ITPR3: variants seen among roughly 807,000 people sequenced by gnomAD.
The protein encoded by ITPR3 is inositol 1,4,5-trisphosphate receptor type 3.
In ITPR3, 173 loss-of-function variants were observed where a neutral mutation model predicts 293.2. The observed-to-expected ratio is 0.59, with a 90% CI of 0.52 to 0.67. ITPR3 has a LOEUF of 0.67. Among genes scored for constraint, ITPR3 ranks in the 30% least tolerant of loss-of-function variants. The pLI is 0.00. For synonymous variants in ITPR3, 1,295 were observed against 1,444.4 expected (o/e 0.90, Z 2.35); for missense variants, 2,796 against 3,592.1 (o/e 0.78, Z 5.66).
At chr6:33,665,809 C>T (rs202136296) in intron 13 of ITPR3, 26 bp from the exon 14 acceptor site, 792 of 1,611,930 alleles carry the variant, frequency 4.9e-4, no homozygotes, top group African/African-American at 2.2e-3. Context: ...ATCTCACACT[C>T]GTCATCCCCG....
intron 2 of ITPR3, among the ~76,000 whole-genome samples, chr6:33,648,066 CTTTT>C (rs35776559): frequency 7.7e-6 from 1 of 130,426 alleles, no homozygotes; most frequent in Admixed American, 8.1e-5. Flanking sequence ...ATTTCTTTTT[CTTTT>C]TTTTTTTTTT....
chr6:33,630,172 C>T (rs1307266804), intron 1 of ITPR3, among the ~76,000 whole-genome samples: 1 of 152,174 alleles, frequency 6.6e-6, no homozygotes, highest in Non-Finnish European at 1.5e-5. Flanking sequence ...TAATCTAAAA[C>T]AGCGCCCCGC....
chr6:33,655,690 G>A lies in ITPR3; in HGVS notation c.161-76G>A. The A allele has an allele frequency of 6.3e-7, 1 of 1,589,986 alleles. No homozygotes were observed. Among genetic ancestry groups the A allele is most frequent in the East Asian group, 2.2e-5 (1 of 44,518 alleles). On this transcript the variant is annotated intron_variant, in intron 2 of 57. Transcript: ENST00000605930. This position sits in a 1 kb window ranked among gnomAD's most constrained non-coding sequence, Gnocchi z 4.9. ...GAAGGGTTGGGAGAGAAGAGCTGCA[G>A]GCTGGGGTTTTCTCCAGGGAGGGCC...
At chr6:33,640,762 C>T (rs1379486966) in intron 2 of ITPR3, among the ~76,000 whole-genome samples, 5 of 152,238 alleles carry the variant, frequency 3.3e-5, no homozygotes, top group Non-Finnish European at 7.3e-5. Context: ...TTTTCTGGGG[C>T]CACACCCCAC....
Position 33,685,551 on chromosome 6 carries a change from G to A in ITPR3, c.5482+18G>A. 6.2e-7 allele frequency: 1 copy of A among 1,607,714 alleles called. No individual in the cohort carries two copies. Among genetic ancestry groups the A allele is most frequent in the Non-Finnish European group, 8.5e-7 (1 of 1,174,880 alleles). On this transcript the variant is annotated intron_variant, in intron 40 of 57. Coordinates refer to ENST00000605930, the MANE Select transcript of ITPR3 (RefSeq NM_002224.4). ...CACCAAAGGTCAGGGGTCTGAGGCA[G>A]AGGCACGGCGTGACGGGGATCCCAG...
intron 25 of ITPR3, among the ~76,000 whole-genome samples, chr6:33,676,261 G>A (rs1455991833): frequency 6.6e-6 from 1 of 152,228 alleles, no homozygotes; most frequent in Admixed American, 6.5e-5. Flanking sequence ...CTGAGTACTG[G>A]ACTTGCATTA....
intron 3 of ITPR3, among the ~76,000 whole-genome samples, chr6:33,657,433 G>A (rs1233408609): frequency 1.2e-4 from 19 of 152,176 alleles, no homozygotes; most frequent in Admixed American, 1.2e-3. Context: ...TGGGCTGAAT[G>A]CACACAGTTT....
Position 33,678,410 on chromosome 6 carries a change from C to A in ITPR3, c.3649-11C>A, listed in dbSNP as rs368691312. The stretch of plus-strand genomic sequence containing the variant: ...TGGGCCCAGCACCCTCTCCCTGACT[C>A]CTGTGTCCAGGGTGATGCCAAGATG... On this transcript the variant is annotated splice_polypyrimidine_tract_variant and intron_variant, in intron 28 of 57. Transcript: ENST00000605930. The A allele has an allele frequency of 1.4e-5, 22 of 1,612,504 alleles. No individual in the cohort carries two copies. The highest frequency in any genetic ancestry group is 1.4e-5 in the Non-Finnish European group (17 of 1,179,200).
In ITPR3 at chr6:33,696,025, C is replaced by T. The variant is rs1765535645; in HGVS notation, c.*245C>T. On this transcript the variant is annotated 3_prime_UTR_variant, in exon 58 of 58. Coordinates refer to ENST00000605930, the MANE Select transcript of ITPR3 (RefSeq NM_002224.4). ...CACTGGGACTCAGTTTACCTTAATG[C>T]CTTAGCAGAAGATAAATCCTACCTA... The T allele has an allele frequency of 1.1e-5, 6 of 535,666 alleles. No homozygotes were observed. The highest frequency in any genetic ancestry group is 2.0e-5 in the Non-Finnish European group (6 of 299,324). 33.2% of individuals were successfully genotyped at this position (535,666 alleles called of 1,614,324 possible).
chr6:33,683,447 C>A lies in ITPR3; in HGVS notation c.4788+50C>A. On this transcript the variant is annotated intron_variant, in intron 35 of 57. Coordinates refer to ENST00000605930, the MANE Select transcript of ITPR3 (RefSeq NM_002224.4). This position sits in a 1 kb window ranked among gnomAD's most constrained non-coding sequence, Gnocchi z 4.5. Reference sequence around the variant, plus strand: ...TGCCTCGGGAGCTGCTTGGTTGAGTCAGCAGCTCCCCTACTTTGGAGGGGC... The same window carrying A: ...TGCCTCGGGAGCTGCTTGGTTGAGTAAGCAGCTCCCCTACTTTGGAGGGGC... 3 of 1,381,048 alleles carry A rather than the reference C, an allele frequency of 2.2e-6. No homozygotes were observed. The highest frequency in any genetic ancestry group is 3.1e-5 in the South Asian group (2 of 63,816). 85.5% of individuals were successfully genotyped at this position (1,381,048 alleles called of 1,614,324 possible).
chr6:33,640,612 C>T (rs1304857717), intron 2 of ITPR3, 58 bp downstream of exon 2: 27 of 1,380,406 alleles, frequency 2.0e-5, no homozygotes, highest in Middle Eastern at 1.8e-4. Context: ...TCTGGACCTG[C>T]GACTGAATTT....
At chr6:33,671,037 C>A in intron 20 of ITPR3, 128 bp from the exon 21 acceptor site, 2 of 1,481,314 alleles carry the variant, frequency 1.4e-6, no homozygotes, top group Admixed American at 1.9e-5. Flanking sequence ...TCCGCTCTCC[C>A]TCCTGGGAAC....
rs1049043251 is a variant in ITPR3 at position 33,674,234 on chromosome 6, G to A, written c.3085G>A (p.Gly1029Arg). Reference protein sequence around the residue: ...TTANMNLDRIGEQAEAMFGVG... With the variant: ...TTANMNLDRIREQAEAMFGVG... ...TGCCAACATGAACCTGGATCGCATC[G>A]GGGAGCAGGCGGAGGCCATGTTTGG... Residue 1029 changes from glycine (G) to arginine (R), a missense_variant, in exon 24 of 58, where the codon GGG becomes AGG. Physicochemically the swap from Gly to Arg is moderately radical, Grantham distance 125. Around this residue, in one of 8 missense-constraint regions of ITPR3, gnomAD observed 955 missense variants for 1,180.8 expected, o/e 0.81. Coordinates refer to ENST00000605930, the MANE Select transcript of ITPR3 (RefSeq NM_002224.4). 9 of 1,613,970 alleles carry A rather than the reference G, an allele frequency of 5.6e-6. No homozygotes were observed. In the African/African-American group the frequency reaches 6.7e-5, roughly 12 times the overall value.
chr6:33,621,774 GC>G lies in ITPR3; in HGVS notation c.89+89del. 2 of 1,039,472 alleles carry G rather than the reference GC, an allele frequency of 1.9e-6. No individual in the cohort carries two copies. The highest frequency in any genetic ancestry group is 2.9e-6 in the Non-Finnish European group (2 of 689,588). The allele number at this position is 1,039,472 out of a possible 1,614,324, so 64.4% of individuals were successfully genotyped here. The stretch of plus-strand genomic sequence containing the variant: ...TGCCAGCTGCGTGCGTCCAGCCGCC[GC>G]CCCCCGATAGAGGCCTGGACGTCCC... On this transcript the variant is annotated intron_variant, in intron 1 of 57. Coordinates refer to ENST00000605930, the MANE Select transcript of ITPR3 (RefSeq NM_002224.4). The surrounding 1 kb of genome is among the most constrained non-coding windows in gnomAD (Gnocchi z 7.7).
At chr6:33,685,321 A>G (rs1561879243) in intron 39 of ITPR3, 38 bp from the exon 40 acceptor site, 4 of 1,574,732 alleles carry the variant, frequency 2.5e-6, no homozygotes, top group Non-Finnish European at 2.6e-6. Flanking sequence ...AGCAGGGCCC[A>G]GTGCTGAGGT....
Position 33,621,714 on chromosome 6 carries a change from G to T in ITPR3, c.89+23G>T. The T allele has an allele frequency of 6.4e-7, 1 of 1,574,692 alleles. No individual in the cohort carries two copies. Among genetic ancestry groups the T allele is most frequent in the Non-Finnish European group, 8.6e-7 (1 of 1,157,012 alleles). ...GGGGTGAGTGAGCCGAGCTCGAGAG[G>T]GGCGCGGGTAAAGAGGGGGCGCCGT... is the stretch of plus-strand genomic sequence containing the variant. On this transcript the variant is annotated intron_variant, in intron 1 of 57. Coordinates refer to ENST00000605930, the MANE Select transcript of ITPR3 (RefSeq NM_002224.4). The surrounding 1 kb of genome is among the most constrained non-coding windows in gnomAD (Gnocchi z 7.7).
At chr6:33,643,390 T>TCAGCTC (rs1763992896) in intron 2 of ITPR3, among the ~76,000 whole-genome samples, 1 of 152,206 alleles carries the variant, frequency 6.6e-6, no homozygotes, top group Non-Finnish European at 1.5e-5. Context: ...GCTTGTGGCT[T>TCAGCTC]CAGCTCCAGC....
At position 33,684,540 on chromosome 6, in the gene ITPR3, G is replaced by C; in HGVS notation, c.5047-58G>C. ...AGGGGCTCAGGGTCAAGCCCGTCAG[G>C]CCAGTGGTCAGTGGTGGGCTGTACC... On this transcript the variant is annotated intron_variant, in intron 37 of 57. Coordinates refer to ENST00000605930, the MANE Select transcript of ITPR3 (RefSeq NM_002224.4). The surrounding 1 kb of genome is among the most constrained non-coding windows in gnomAD (Gnocchi z 4.2). 6.2e-7 allele frequency: 1 copy of C among 1,606,204 alleles called. No individual in the cohort carries two copies. Among genetic ancestry groups the C allele is most frequent in the Non-Finnish European group, 8.5e-7 (1 of 1,172,896 alleles).
At chr6:33,636,068 C>T (rs1254557111) in intron 1 of ITPR3, among the ~76,000 whole-genome samples, 1 of 144,472 alleles carries the variant, frequency 6.9e-6, no homozygotes, top group East Asian at 2.0e-4. Flanking sequence ...AGGTGGATCA[C>T]CTGAAGTCAG....
Sources: allele counts gnomAD v4.1 joint callset (sites outside exome capture counted in the v4.1 genomes callset), GRCh38; gene constraint gnomAD v4.1.1; regional missense constraint gnomAD v4.1.1; non-coding constraint Gnocchi (gnomAD v3.1); transcripts MANE v1.5; gene names NCBI Gene and HGNC (gene_info 2026-07-23, HGNC 2026-07-21).